CAB39: variants seen among roughly 807,000 people sequenced by gnomAD.
CAB39 encodes the protein calcium binding protein 39, also known as calcium-binding protein 39.
A neutral mutation model predicts 40.0 loss-of-function variants in CAB39; 8 were observed. That is an observed-to-expected ratio of 0.20 (90% confidence interval 0.12 to 0.36). The LOEUF is 0.36. Ranked by LOEUF, CAB39 falls within the 10% of genes least tolerant of loss-of-function variation. CAB39 has a pLI of 1.00. For missense variants in CAB39, 270 were observed against 401.1 expected, an observed-to-expected ratio of 0.67 and a Z score of 2.79; for synonymous variants, 156 against 141.6, an observed-to-expected ratio of 1.10 and a Z score of -0.72.
intron 2 of CAB39, among the ~76,000 whole-genome samples, chr2:230,766,587 G>T (rs2124926699): frequency 6.6e-6 from 1 of 152,330 alleles, no homozygotes; most frequent in Non-Finnish European, 1.5e-5. Context: ...TTAGGCTGGA[G>T]TGCAGTGGCA....
rs1396760974 is a variant in CAB39 at position 230,821,050 on chromosome 2, T to C, written c.*2346T>C. ...ATCTGGCTGGCCCTGTAATTTAAAT[T>C]AAAATAAAATTTTGGAGAAACAGCA... On this transcript the variant is annotated 3_prime_UTR_variant, in exon 9 of 9. Transcript: ENST00000258418. 8 of 152,554 alleles carry C rather than the reference T, an allele frequency of 5.2e-5. No individual in the cohort carries two copies. The highest frequency in any genetic ancestry group is 4.6e-4 in the Admixed American group (7 of 15,290). 9.5% of individuals were successfully genotyped at this position (152,554 alleles called of 1,614,324 possible). A position where few individuals can be genotyped will look rare whatever the true frequency, so the allele number is the denominator to read the frequency against.
chr2:230,811,525 A>G (rs1009783190), intron 6 of CAB39, among the ~76,000 whole-genome samples: 1 of 152,222 alleles, frequency 6.6e-6, no homozygotes, highest in African/African-American at 2.4e-5. Context: ...TTTACAGTAG[A>G]TAGAAGCATG....
chr2:230,805,723 ATC>A (rs1373500701), intron 5 of CAB39, among the ~76,000 whole-genome samples: 1 of 152,246 alleles, frequency 6.6e-6, no homozygotes, highest in African/African-American at 2.4e-5. Flanking sequence ...AATTCTACAA[ATC>A]TGTTTTCATG....
chr2:230,771,273 C>G (rs899861501), intron 2 of CAB39, among the ~76,000 whole-genome samples: 1 of 151,566 alleles, frequency 6.6e-6, no homozygotes, highest in East Asian at 1.9e-4. Flanking sequence ...TTTAAAAATA[C>G]CTTGTATTCA....
At chr2:230,806,674 G>T (rs1307462702) in intron 5 of CAB39, among the ~76,000 whole-genome samples, 1 of 152,160 alleles carries the variant, frequency 6.6e-6, no homozygotes, top group Non-Finnish European at 1.5e-5. Context: ...GACAAAACAT[G>T]GATCTGTCAG....
intron 2 of CAB39, among the ~76,000 whole-genome samples, chr2:230,788,422 T>C (rs1695833084): frequency 6.6e-6 from 1 of 152,176 alleles, no homozygotes; most frequent in Non-Finnish European, 1.5e-5. Flanking sequence ...GTTCTACATA[T>C]GTTATAACCC....
At chr2:230,731,361 CT>C (rs1189179168) in intron 1 of CAB39, among the ~76,000 whole-genome samples, 4 of 152,206 alleles carry the variant, frequency 2.6e-5, no homozygotes, top group Middle Eastern at 3.4e-3. Flanking sequence ...TGTTAATATA[CT>C]CATGTAAACC....
Position 230,819,585 on chromosome 2 carries a change from C to T in CAB39, c.*881C>T, listed in dbSNP as rs1559622211. ...CCTAATACTGAGTTTTTGCAAAAAA[C>T]AATGAATGCTCATATGTAATTGAAA... On this transcript the variant is annotated 3_prime_UTR_variant, in exon 9 of 9. Coordinates refer to ENST00000258418, the MANE Select transcript of CAB39 (RefSeq NM_016289.4). The T allele has an allele frequency of 6.6e-6, 1 of 152,526 alleles. No individual in the cohort carries two copies. The highest frequency in any genetic ancestry group is 1.5e-5 in the Non-Finnish European group (1 of 68,024). 9.4% of individuals were successfully genotyped at this position (152,526 alleles called of 1,614,324 possible).
chr2:230,817,546 C>T (rs6711911), intron 7 of CAB39, among the ~76,000 whole-genome samples: 49,529 of 151,754 alleles, frequency 0.33, 9,638 homozygotes, highest in African/African-American at 0.55. Flanking sequence ...CTCCCGTAGA[C>T]TTCATCTCTC....
intron 4 of CAB39, among the ~76,000 whole-genome samples, chr2:230,795,104 C>T (rs377463761): frequency 3.3e-5 from 5 of 151,962 alleles, no homozygotes; most frequent in African/African-American, 4.8e-5. Context: ...GGTGAAACCC[C>T]GCCTCTACTA....
chr2:230,784,332 C>T (rs920447201), intron 2 of CAB39, among the ~76,000 whole-genome samples: 2 of 152,202 alleles, frequency 1.3e-5, no homozygotes, highest in South Asian at 2.1e-4. Flanking sequence ...TGAGACATTA[C>T]GAGTGGAGAC....
intron 2 of CAB39, among the ~76,000 whole-genome samples, chr2:230,782,813 C>CTTTTTTTTTTTTTTTTT (rs1212977897): frequency 2.4e-5 from 2 of 81,764 alleles, no homozygotes; most frequent in African/African-American, 6.3e-5. Flanking sequence ...TTCTTTCTTT[C>CTTTTTTTTTTTTTTTTT]TTTTTTTTTT....
At chr2:230,806,187 G>A (rs1315616416) in intron 5 of CAB39, among the ~76,000 whole-genome samples, 5 of 152,168 alleles carry the variant, frequency 3.3e-5, no homozygotes, top group African/African-American at 4.8e-5. Context: ...TAGGAAGGCA[G>A]TGTTGTTATT....
chr2:230,718,676 C>T (rs933981259), intron 1 of CAB39, among the ~76,000 whole-genome samples: 1 of 152,136 alleles, frequency 6.6e-6, no homozygotes, highest in Non-Finnish European at 1.5e-5. Flanking sequence ...GATGCCTAGA[C>T]ATAAGTTTTG....
At chr2:230,754,472 T>TTCC (rs1695153669) in intron 1 of CAB39, among the ~76,000 whole-genome samples, 2 of 135,066 alleles carry the variant, frequency 1.5e-5, no homozygotes, top group African/African-American at 5.5e-5. Flanking sequence ...CTTCTTCCCC[T>TTCC]CCTACTCCTT....
chr2:230,790,832 T>G (rs760554831), intron 2 of CAB39, 40 bp from the exon 3 acceptor site: 1 of 1,535,154 alleles, frequency 6.5e-7, no homozygotes, highest in Non-Finnish European at 8.9e-7. Flanking sequence ...TAAAATGAAT[T>G]GTTTTTTCTC....
At chr2:230,780,256 C>T (rs1287009678) in intron 2 of CAB39, among the ~76,000 whole-genome samples, 1 of 152,198 alleles carries the variant, frequency 6.6e-6, no homozygotes, top group East Asian at 1.9e-4. Flanking sequence ...ACTTATCAGA[C>T]TTACAGAATG....
chr2:230,750,449 C>T (rs1695065644), intron 1 of CAB39, among the ~76,000 whole-genome samples: 1 of 152,180 alleles, frequency 6.6e-6, no homozygotes, highest in African/African-American at 2.4e-5. Flanking sequence ...GATCTTGTAC[C>T]TCTCAGCCTC....
chr2:230,785,428 A>G (rs1170836462), intron 2 of CAB39, among the ~76,000 whole-genome samples: 3 of 151,980 alleles, frequency 2.0e-5, no homozygotes, highest in East Asian at 1.9e-4. Flanking sequence ...AGGAGGGCCT[A>G]TTCGATTTTG....
Sources: allele counts gnomAD v4.1 joint callset (sites outside exome capture counted in the v4.1 genomes callset), GRCh38; gene constraint gnomAD v4.1.1; transcripts MANE v1.5; gene names NCBI Gene and HGNC (gene_info 2026-07-23, HGNC 2026-07-21).